Variants in DLGAP1 observed in about 807,000 individuals in gnomAD.
DLGAP1 encodes DLG associated protein 1, also known as disks large-associated protein 1.
A neutral mutation model predicts 90.8 loss-of-function variants in DLGAP1; 11 were observed. The ratio of observed to expected loss-of-function variants is 0.12; its 90% CI spans 0.08 to 0.20. The LOEUF is 0.20. Ranked by LOEUF, DLGAP1 falls within the 10% of genes least tolerant of loss-of-function variation. The pLI is 1.00. For synonymous variants in DLGAP1, 558 were observed against 540.7 expected (o/e 1.03, Z -0.44); for missense variants, 1,050 against 1,333.8 (o/e 0.79, Z 3.31).
intron 1 of DLGAP1, among the ~76,000 whole-genome samples, chr18:4,220,593 C>T (rs1234945247): frequency 6.6e-6 from 1 of 152,074 alleles, no homozygotes; most frequent in Non-Finnish European, 1.5e-5. Context: ...GTGATTTTTT[C>T]AAAACGTTTC....
intron 1 of DLGAP1, among the ~76,000 whole-genome samples, chr18:4,262,697 C>CT (rs2079026105): frequency 6.6e-6 from 1 of 152,192 alleles, no homozygotes; most frequent in Non-Finnish European, 1.5e-5. Context: ...GGCACACTCT[C>CT]TGTACCCAGA....
Position 3,814,268 on chromosome 18 carries a change from T to C in DLGAP1, c.963A>G (p.Pro321=). The stretch of plus-strand genomic sequence containing the variant: ...GGGTGTACCCTGTCCATTCATCTTG[T>C]GGAACCTATTCAGATAGAAAACAGA... ...QERSCQYLQV[P]QDEWTGYTPR... is the part of the protein sequence containing the mutation. The change falls in exon 5 of 13, where the codon CCA becomes CCG. Residue 321 remains proline, a synonymous_variant. Transcript: ENST00000315677. The C allele has an allele frequency of 1.2e-6, 2 of 1,614,084 alleles. No homozygotes were observed. Among genetic ancestry groups the C allele is most frequent in the Non-Finnish European group, 1.7e-6 (2 of 1,179,964 alleles).
At chr18:4,035,010 T>C (rs1383887451) in intron 2 of DLGAP1, among the ~76,000 whole-genome samples, 1 of 152,196 alleles carries the variant, frequency 6.6e-6, no homozygotes, top group Admixed American at 6.5e-5. Context: ...CGTGAACTCA[T>C]CCTTTTTTAT....
At chr18:4,235,354 C>G (rs1336329601) in intron 1 of DLGAP1, among the ~76,000 whole-genome samples, 2 of 152,132 alleles carry the variant, frequency 1.3e-5, no homozygotes, top group East Asian at 3.9e-4. Flanking sequence ...GCACTCCCTC[C>G]CCTCAAATGT....
At chr18:3,680,661 C>T (rs1327355921) in intron 7 of DLGAP1, among the ~76,000 whole-genome samples, 1 of 151,964 alleles carries the variant, frequency 6.6e-6, no homozygotes, top group Non-Finnish European at 1.5e-5. Flanking sequence ...TGATGGCGGG[C>T]ACCTGTAGTC....
At chr18:4,196,982 G>A (rs9965034) in intron 1 of DLGAP1, among the ~76,000 whole-genome samples, 1,963 of 152,070 alleles carry the variant, frequency 0.013, 36 homozygotes, top group Middle Eastern at 0.041. Context: ...AGACCAGCCT[G>A]GCCAATGTGG....
At chr18:4,176,655 T>C (rs973020106) in intron 1 of DLGAP1, among the ~76,000 whole-genome samples, 3 of 152,190 alleles carry the variant, frequency 2.0e-5, no homozygotes, top group African/African-American at 7.2e-5. Context: ...TTGCTGATAT[T>C]AATACTATTA....
chr18:3,824,046 C>T (rs544441485), intron 4 of DLGAP1, among the ~76,000 whole-genome samples: 4 of 151,052 alleles, frequency 2.6e-5, no homozygotes, highest in African/African-American at 9.7e-5. Flanking sequence ...TAACTTAGAG[C>T]CCCTTTTTAG....
At chr18:4,432,435 A>G (rs281003) in intron 1 of DLGAP1, among the ~76,000 whole-genome samples, 79,329 of 151,784 alleles carry the variant, frequency 0.52, 20,990 homozygotes, top group Middle Eastern at 0.62. Flanking sequence ...ATTACAAAAA[A>G]AACTGTCCAA....
chr18:3,597,005 G>A (rs11661062), intron 7 of DLGAP1: 7 of 520,006 alleles, frequency 1.3e-5, no homozygotes, highest in East Asian at 5.5e-5. Flanking sequence ...ACAGGCTCTC[G>A]GCAAAGGACC....
At chr18:3,655,080 A>G (rs1272666842) in intron 7 of DLGAP1, among the ~76,000 whole-genome samples, 1 of 151,004 alleles carries the variant, frequency 6.6e-6, no homozygotes, top group Non-Finnish European at 1.5e-5. Flanking sequence ...CACCACTCCA[A>G]CCCCCACTGC....
intron 1 of DLGAP1, among the ~76,000 whole-genome samples, chr18:4,279,341 T>A (rs1048969260): frequency 1.3e-5 from 2 of 152,266 alleles, no homozygotes; most frequent in African/African-American, 2.4e-5. Context: ...TCTATTAATT[T>A]TTATTTGGCT....
At chr18:3,784,303 C>T (rs9948197) in intron 5 of DLGAP1, among the ~76,000 whole-genome samples, 2,201 of 152,218 alleles carry the variant, frequency 0.014, 59 homozygotes, top group African/African-American at 0.049. Context: ...TTCTTGGACC[C>T]CCCCTAGTTG....
intron 1 of DLGAP1, among the ~76,000 whole-genome samples, chr18:4,444,452 T>G (rs775959403): frequency 1.3e-5 from 2 of 152,164 alleles, no homozygotes; most frequent in Non-Finnish European, 2.9e-5. Context: ...TGAGGGACTA[T>G]GAGCCTCTAC....
rs145509812 is a variant in DLGAP1, at chr18:4,097,405, C to G, written c.-159+53775G>C. Among the ~76,000 whole-genome samples, 382 of 152,346 alleles carry G rather than the reference C, an allele frequency of 2.5e-3. 2 individuals are homozygous for G. In the South Asian group the frequency reaches 0.027, roughly 11 times the overall value. The stretch of plus-strand genomic sequence containing the variant: ...TCATAATTTCCCCATCAAATGTAAT[C>G]TCTTGGTCTTTGCAAGCCCCACTGT... On this transcript the variant is annotated intron_variant, in intron 2 of 12. Transcript: ENST00000315677.
intron 1 of DLGAP1, among the ~76,000 whole-genome samples, chr18:4,354,548 T>C (rs894502810): frequency 2.6e-5 from 4 of 152,224 alleles, no homozygotes; most frequent in African/African-American, 7.2e-5. Context: ...CTTCATTTTC[T>C]GAAGGCTCCC....
At chr18:4,049,750 A>G (rs183577274) in intron 2 of DLGAP1, among the ~76,000 whole-genome samples, 23 of 152,106 alleles carry the variant, frequency 1.5e-4, no homozygotes, top group African/African-American at 5.5e-4. Context: ...ATGCGCTTAG[A>G]CTAGGTTTTT....
chr18:4,242,315 G>T (rs1240623291), intron 1 of DLGAP1, among the ~76,000 whole-genome samples: 27 of 151,850 alleles, frequency 1.8e-4, no homozygotes, highest in Non-Finnish European at 1.5e-5. Context: ...TAATCCACTG[G>T]AATTAATTTT....
At chr18:3,814,797 C>A (rs2067018435) in intron 4 of DLGAP1, among the ~76,000 whole-genome samples, 1 of 152,148 alleles carries the variant, frequency 6.6e-6, no homozygotes, top group African/African-American at 2.4e-5. Context: ...TACAAACATT[C>A]CAATTATCGT....
Sources: gnomAD v4.1 joint callset for allele counts (sites outside exome capture counted in the v4.1 genomes callset) on GRCh38, gnomAD v4.1.1 for gene constraint, MANE v1.5 for transcripts, NCBI Gene and HGNC (gene_info 2026-07-23, HGNC 2026-07-21) for gene names.